SLC22A7: variants seen among roughly 807,000 people sequenced by gnomAD.
The protein encoded by SLC22A7 is hOAT2.
SLC22A7 carries 48 observed loss-of-function variants against 62.2 expected under a neutral mutation model. The observed-to-expected ratio is 0.77, with a 90% confidence interval of 0.61 to 0.98. The LOEUF (loss-of-function observed/expected upper bound fraction) is 0.98. SLC22A7 is among the 50% of genes least tolerant of loss of function. The probability of loss-of-function intolerance (pLI) is 0.00; values close to 1 mark genes in which losing one functional copy is unlikely to be tolerated. For missense variants in SLC22A7, 581 were observed against 703.8 expected, an observed-to-expected ratio of 0.83 and a Z score of 1.97; for synonymous variants, 276 against 314.8, an observed-to-expected ratio of 0.88 and a Z score of 1.30.
rs181697690 is a variant in SLC22A7, at chr6:43,299,496, G to A, written c.503+3G>A. 194 of 1,610,728 alleles carry A rather than the reference G, an allele frequency of 1.2e-4. No homozygotes were observed. In the African/African-American group the frequency reaches 1.3e-3, roughly 11 times the overall value. On this transcript the variant is annotated splice_donor_region_variant and intron_variant, in intron 3 of 10. Transcript: ENST00000372585. This position sits in a 1 kb window ranked among gnomAD's most constrained non-coding sequence, Gnocchi z 4.4. ...GCCTTTGGATATCTGTCCGACAGGT[G>A]GGGTGAGGCACTGGGCCAATAAGAA...
rs376669860 is a variant in SLC22A7, at chr6:43,302,863, A to AT, written c.1385+110dup. 5.2e-3 allele frequency: 3,766 copies of AT among 725,502 alleles called. No individual in the cohort carries two copies. The highest frequency in any genetic ancestry group is 8.5e-3 in the African/African-American group (455 of 53,556). 44.9% of individuals were successfully genotyped at this position (725,502 alleles called of 1,614,324 possible). ...CGCACCACAACCTGGTCTCTCACTC[A>AT]TTTTTTTTTTAATTTTAATTTTTGG... On this transcript the variant is annotated intron_variant, in intron 9 of 10. Transcript: ENST00000372585. The surrounding 1 kb of genome is among the most constrained non-coding windows in gnomAD (Gnocchi z 5.0).
intron 10 of SLC22A7, 89 bp from the exon 11 acceptor site, chr6:43,304,582 T>C: frequency 8.8e-7 from 1 of 1,131,106 alleles, no homozygotes; most frequent in Non-Finnish European, 1.3e-6. Flanking sequence ...GGAACTGGGG[T>C]GAGCCCTGGG....
chr6:43,303,474 GA>G (rs927509873), intron 9 of SLC22A7, among the ~76,000 whole-genome samples: 21 of 148,982 alleles, frequency 1.4e-4, no homozygotes, highest in African/African-American at 4.3e-4. Context: ...ATAAATAAAA[GA>G]AAAAAATTAA....
At chr6:43,301,325 C>A in intron 6 of SLC22A7, 67 bp downstream of exon 6, 1 of 1,598,138 alleles carries the variant, frequency 6.3e-7, no homozygotes, top group Non-Finnish European at 8.5e-7. Flanking sequence ...TGTCAAGTGC[C>A]TCCCTCCCAG....
rs1333264236 is a variant in SLC22A7 at position 43,299,526 on chromosome 6, G to A, written c.503+33G>A. ...GAGGCACTGGGCCAATAAGAAACTGGCTGGGGGAACTTTCTCCCACTAGCT... is the reference window on the plus strand; with the variant it reads ...GAGGCACTGGGCCAATAAGAAACTGACTGGGGGAACTTTCTCCCACTAGCT... On this transcript the variant is annotated intron_variant, in intron 3 of 10. Transcript: ENST00000372585. This position sits in a 1 kb window ranked among gnomAD's most constrained non-coding sequence, Gnocchi z 4.4. 1.2e-6 allele frequency: 2 copies of A among 1,605,414 alleles called. No individual in the cohort carries two copies. The highest frequency in any genetic ancestry group is 1.7e-6 in the Non-Finnish European group (2 of 1,174,254).
upstream of SLC22A7, among the ~76,000 whole-genome samples, chr6:43,297,667 G>A (rs1319889568): frequency 2.6e-5 from 4 of 152,226 alleles, no homozygotes; most frequent in South Asian, 2.1e-4. Flanking sequence ...GGGACAGGCA[G>A]TTGGAACCAT....
rs1406374292 is a variant in SLC22A7 at position 43,304,986 on chromosome 6, G to A, written c.*261G>A. 2 of 355,906 alleles carry A rather than the reference G, an allele frequency of 5.6e-6. No individual in the cohort carries two copies. The highest frequency in any genetic ancestry group is 1.6e-4 in the South Asian group (2 of 12,160). 22.0% of individuals were successfully genotyped at this position (355,906 alleles called of 1,614,324 possible). A position where few individuals can be genotyped will look rare whatever the true frequency, so the allele number is the denominator to read the frequency against. On this transcript the variant is annotated 3_prime_UTR_variant, in exon 11 of 11. Coordinates refer to ENST00000372585, the MANE Select transcript of SLC22A7 (RefSeq NM_153320.2). ...AAATAAAGGTGCCCCTTGGGTTGGG[G>A]CAGTGGTGACGAGCTGTGGGAAGAG...
In SLC22A7 at chr6:43,299,437, T is replaced by G; in HGVS notation, c.447T>G (p.Thr149=). ...AAGGTCTGAACAGAGCTGCGTCCAC[T>G]TTCTTCTTCGCCGGTGTGCTGGTGG... ...EQKGLNRAAS[T]FFFAGVLVGA... The change falls in exon 3 of 11, where the codon ACT becomes ACG. Residue 149 remains threonine, a synonymous_variant. Transcript: ENST00000372585. This position sits in a 1 kb window ranked among gnomAD's most constrained non-coding sequence, Gnocchi z 4.4. The G allele has an allele frequency of 6.2e-7, 1 of 1,614,148 alleles. No homozygotes were observed. Among genetic ancestry groups the G allele is most frequent in the African/African-American group, 1.3e-5 (1 of 75,030 alleles).
intron 6 of SLC22A7, 50 bp downstream of exon 6, chr6:43,301,308 TG>T (rs1778737016): frequency 3.1e-6 from 5 of 1,607,108 alleles, no homozygotes; most frequent in Non-Finnish European, 4.3e-6. Flanking sequence ...TGGTGGGGAG[TG>T]GGCTGTGTCA....
In SLC22A7 at chr6:43,302,508, C is replaced by A. The variant is rs1433502173; in HGVS notation, c.1276+94C>A. Reference sequence around the variant, plus strand: ...ACCCCACCTCCTGGCCAAGAACCCACTCCTCCCCCAGATCCCTGCTCTTAC... The same window carrying A: ...ACCCCACCTCCTGGCCAAGAACCCAATCCTCCCCCAGATCCCTGCTCTTAC... On this transcript the variant is annotated intron_variant, in intron 8 of 10. Transcript: ENST00000372585. The surrounding 1 kb of genome is among the most constrained non-coding windows in gnomAD (Gnocchi z 5.0). 2 of 1,258,170 alleles carry A rather than the reference C, an allele frequency of 1.6e-6. No individual in the cohort carries two copies. Among genetic ancestry groups the A allele is most frequent in the Non-Finnish European group, 2.2e-6 (2 of 911,598 alleles). The allele number at this position is 1,258,170 out of a possible 1,614,324, so 77.9% of individuals were successfully genotyped here.
Position 43,299,027 on chromosome 6 carries a change from G to A in SLC22A7, c.394-65G>A. 1.4e-6 allele frequency: 2 copies of A among 1,472,606 alleles called. No homozygotes were observed. The highest frequency in any genetic ancestry group is 1.8e-6 in the Non-Finnish European group (2 of 1,086,084). 91.2% of individuals were successfully genotyped at this position (1,472,606 alleles called of 1,614,324 possible). A position where few individuals can be genotyped will look rare whatever the true frequency, so the allele number is the denominator to read the frequency against. ...GGAGTTGAGACAAAGAGCTGAGAAG[G>A]CAATTTCTGCAGCAAGAGGTGGAGA... is the stretch of plus-strand genomic sequence containing the variant. On this transcript the variant is annotated intron_variant, in intron 1 of 10. Transcript: ENST00000372585. The surrounding 1 kb of genome is among the most constrained non-coding windows in gnomAD (Gnocchi z 4.4).
intron 6 of SLC22A7, 33 bp from the exon 7 acceptor site, chr6:43,301,550 C>T (rs1778749030): frequency 1.3e-6 from 2 of 1,547,052 alleles, no homozygotes; most frequent in East Asian, 2.2e-5. Context: ...ATAGCCAACT[C>T]TGATGTTACA....
intron 9 of SLC22A7, chr6:43,303,152 T>C (rs1778814654): frequency 1.0e-6 from 1 of 985,284 alleles, no homozygotes; most frequent in Non-Finnish European, 1.2e-6. Context: ...ACATCCTCTC[T>C]GGGCCTCCTT....
chr6:43,301,841 G>C (rs1450188281), intron 7 of SLC22A7, 149 bp downstream of exon 7: 4 of 624,156 alleles, frequency 6.4e-6, no homozygotes, highest in Admixed American at 6.1e-5. Context: ...GATCTGCCTG[G>C]GGAAGTCAGA....
At chr6:43,301,350 G>C (rs1319754376) in intron 6 of SLC22A7, 92 bp downstream of exon 6, 1 of 1,558,256 alleles carries the variant, frequency 6.4e-7, no homozygotes, top group Non-Finnish European at 8.7e-7. Context: ...CACCATATAT[G>C]GCAGGAAAAG....
chr6:43,297,157 C>A (rs70953670), upstream of SLC22A7, among the ~76,000 whole-genome samples: 11,062 of 152,224 alleles, frequency 0.073, 524 homozygotes, highest in Admixed American at 0.11. Context: ...GCTCCTTTCC[C>A]AGCGCTTTCT....
chr6:43,304,761 C>A lies in SLC22A7; in HGVS notation c.*36C>A. The stretch of plus-strand genomic sequence containing the variant: ...AGGCAGGCCCTCCACAGAAGCTCTG[C>A]AGCAGGGGCTGGGAGAGCAGAAGGG... On this transcript the variant is annotated 3_prime_UTR_variant, in exon 11 of 11. Transcript: ENST00000372585. 2 of 1,501,170 alleles carry A rather than the reference C, an allele frequency of 1.3e-6. No homozygotes were observed. Among genetic ancestry groups the A allele is most frequent in the South Asian group, 2.5e-5 (2 of 78,868 alleles). 93.0% of individuals were successfully genotyped at this position (1,501,170 alleles called of 1,614,324 possible).
At position 43,302,513 on chromosome 6, in the gene SLC22A7, C is replaced by A; in HGVS notation, c.1276+99C>A. 8.2e-7 allele frequency: 1 copy of A among 1,217,736 alleles called. No individual in the cohort carries two copies. Among genetic ancestry groups the A allele is most frequent in the Non-Finnish European group, 1.1e-6 (1 of 874,082 alleles). 75.4% of individuals were successfully genotyped at this position (1,217,736 alleles called of 1,614,324 possible). ...ACCTCCTGGCCAAGAACCCACTCCT[C>A]CCCCAGATCCCTGCTCTTACCCAGT... On this transcript the variant is annotated intron_variant, in intron 8 of 10. Transcript: ENST00000372585. This position sits in a 1 kb window ranked among gnomAD's most constrained non-coding sequence, Gnocchi z 5.0.
At position 43,301,819 on chromosome 6, in the gene SLC22A7, A is replaced by G. The variant is rs950363512; in HGVS notation, c.1061+127A>G. ...GTCACTGTGGAGGGCAGGAGGATAA[A>G]CCTCCATGGGCGATCTGCCTGGGGA... On this transcript the variant is annotated intron_variant, in intron 7 of 10. Coordinates refer to ENST00000372585, the MANE Select transcript of SLC22A7 (RefSeq NM_153320.2). 1.5e-5 allele frequency: 10 copies of G among 674,076 alleles called. No individual in the cohort carries two copies. In the Middle Eastern group the frequency reaches 1.2e-3, roughly 84 times the overall value. The allele number at this position is 674,076 out of a possible 1,614,324, so 41.8% of individuals were successfully genotyped here.
Sources: gnomAD v4.1 joint callset for allele counts (sites outside exome capture counted in the v4.1 genomes callset) on GRCh38, gnomAD v4.1.1 for gene constraint, Gnocchi (gnomAD v3.1) non-coding constraint, MANE v1.5 for transcripts, NCBI Gene and HGNC (gene_info 2026-07-23, HGNC 2026-07-21) for gene names.